DDX6: variants seen among roughly 807,000 people sequenced by gnomAD.
DDX6 encodes probable ATP-dependent RNA helicase DDX6.
A neutral mutation model predicts 60.6 loss-of-function variants in DDX6; 7 were observed. The observed-to-expected ratio is 0.12, with a 90% confidence interval of 0.07 to 0.22. The LOEUF (loss-of-function observed/expected upper bound fraction) is 0.22, where lower values mean the gene tolerates loss of function less well. Among genes scored for constraint, DDX6 ranks in the 10% least tolerant of loss-of-function variants. The pLI is 1.00. For missense variants in DDX6, 270 were observed against 589.9 expected (o/e 0.46, Z 5.62); for synonymous variants, 207 against 201.0 (o/e 1.03, Z -0.25).
At chr11:118,784,685 T>C (rs1484726537) in intron 2 of DDX6, among the ~76,000 whole-genome samples, 1 of 151,990 alleles carries the variant, frequency 6.6e-6, no homozygotes, top group Non-Finnish European at 1.5e-5. Flanking sequence ...CCTCAAACTT[T>C]TGACCTCGTG....
chr11:118,764,029 T>C (rs1565566297), intron 6 of DDX6, among the ~76,000 whole-genome samples: 2 of 152,060 alleles, frequency 1.3e-5, no homozygotes, highest in African/African-American at 2.4e-5. Flanking sequence ...CTTTCAACAG[T>C]AGGCATACTT....
chr11:118,754,390 G>GGT lies in DDX6; in HGVS notation c.*7+314_*7+315insAC, dbSNP rs1555158212. ...CCACTGCACTCCAGCCTGGATGACA[G>GGT]TGAGACCTTGTCTCAAAAAGAAAAA... On this transcript the variant is annotated intron_variant, in intron 13 of 13. Transcript: ENST00000534980. Among the ~76,000 whole-genome samples, 67 of 152,354 alleles carry GGT rather than the reference G, an allele frequency of 4.4e-4. No homozygotes were observed. The East Asian group carries it at 0.012, about 27-fold the overall frequency.
At chr11:118,787,285 G>A (rs928777271) in intron 1 of DDX6, 6 of 152,122 alleles carry the variant, frequency 3.9e-5, no homozygotes, top group Non-Finnish European at 8.8e-5. Context: ...GCCTGGCCAA[G>A]ATGGTGAAAC....
At chr11:118,769,253 A>G (rs1213524648) in intron 4 of DDX6, among the ~76,000 whole-genome samples, 1 of 152,160 alleles carries the variant, frequency 6.6e-6, no homozygotes, top group Admixed American at 6.5e-5. Context: ...GCAACAAAAC[A>G]CGAATAGGCT....
chr11:118,756,329 A>C lies in DDX6; in HGVS notation c.1111-6T>G, dbSNP rs1308309432. ...AATACACGATTTCGATGTTCCTAGG[A>C]GAAAGCAATGTATTCCATTTGATTA... On this transcript the variant is annotated splice_region_variant and splice_polypyrimidine_tract_variant and intron_variant, in intron 10 of 13. Transcript: ENST00000534980. 1 of 1,611,622 alleles carries C rather than the reference A, an allele frequency of 6.2e-7. No homozygotes were observed.
Position 118,748,302 on chromosome 11 carries a change from A to C in DDX6, c.*3803T>G, listed in dbSNP as rs1216888514. The C allele has an allele frequency of 2.0e-5, 3 of 152,160 alleles. No individual in the cohort carries two copies. The highest frequency in any genetic ancestry group is 2.9e-5 in the Non-Finnish European group (2 of 68,026). 9.4% of individuals were successfully genotyped at this position (152,160 alleles called of 1,614,324 possible). A position where few individuals can be genotyped will look rare whatever the true frequency, so the allele number is the denominator to read the frequency against. The stretch of plus-strand genomic sequence containing the variant: ...CCCTCTGACCTCATGAACTGTGACA[A>C]CCTTTGGACACTTAACTCTTTACCC... On this transcript the variant is annotated 3_prime_UTR_variant, in exon 14 of 14. Transcript: ENST00000534980.
intron 9 of DDX6, 59 bp from the exon 10 acceptor site, chr11:118,757,346 A>G: frequency 2.2e-6 from 2 of 927,242 alleles, no homozygotes; most frequent in Non-Finnish European, 3.1e-6. Flanking sequence ...TTGGTTTGCC[A>G]AATCTTGAAA....
In DDX6 at chr11:118,778,612, G is replaced by C. The variant is rs528599718; in HGVS notation, c.369+1020C>G. Among the ~76,000 whole-genome samples the C allele has an allele frequency of 2.0e-5, 3 of 152,206 alleles. No homozygotes were observed. The East Asian group carries it at 5.8e-4, about 29-fold the overall frequency. On this transcript the variant is annotated intron_variant, in intron 4 of 13. Transcript: ENST00000534980. ...GGGTGGCCATAGTATTATTGTATTTGTATGGTCTTAAAATGCACCCCAGAT... is the reference window on the plus strand; with the variant it reads ...GGGTGGCCATAGTATTATTGTATTTCTATGGTCTTAAAATGCACCCCAGAT...
chr11:118,757,110 A>C (rs1432692675), intron 10 of DDX6, 61 bp downstream of exon 10: 2 of 919,492 alleles, frequency 2.2e-6, no homozygotes, highest in Non-Finnish European at 3.1e-6. Context: ...AAAGAACATT[A>C]AAACAAAATA....
chr11:118,755,052 C>T (rs1486381611), intron 12 of DDX6, among the ~76,000 whole-genome samples, 165 bp from the exon 13 acceptor site: 1 of 152,188 alleles, frequency 6.6e-6, no homozygotes, highest in Admixed American at 6.5e-5. Context: ...GGTTTCCCTA[C>T]AACTTCAGGT....
chr11:118,752,339 G>A (rs1258340735), intron 13 of DDX6, among the ~76,000 whole-genome samples: 1 of 152,082 alleles, frequency 6.6e-6, no homozygotes, highest in Non-Finnish European at 1.5e-5. Flanking sequence ...ACAAATCCGG[G>A]GGAAAAAAAT....
In DDX6 at chr11:118,786,448, C is replaced by G. The variant is rs972732904; in HGVS notation, c.-197G>C. On this transcript the variant is annotated 5_prime_UTR_variant, in exon 2 of 14. Transcript: ENST00000534980. ...AGCAGCAGTAACTTGCTCTCTTGCA[C>G]GGAATCAACTTTTTATTTTTAAAAA... 3 of 401,588 alleles carry G rather than the reference C, an allele frequency of 7.5e-6. No individual in the cohort carries two copies. The highest frequency in any genetic ancestry group is 1.3e-5 in the Non-Finnish European group (3 of 229,010). 24.9% of individuals were successfully genotyped at this position (401,588 alleles called of 1,614,324 possible).
chr11:118,767,051 TA>T (rs1429496798), intron 5 of DDX6, among the ~76,000 whole-genome samples: 1 of 152,008 alleles, frequency 6.6e-6, no homozygotes, highest in Non-Finnish European at 1.5e-5. Context: ...CACACCCAGC[TA>T]ATTTTTGTAT....
chr11:118,752,834 A>C (rs1475069855), intron 13 of DDX6, among the ~76,000 whole-genome samples: 1 of 152,118 alleles, frequency 6.6e-6, no homozygotes, highest in Non-Finnish European at 1.5e-5. Flanking sequence ...CACACCTATA[A>C]TCCCAGCACT....
Position 118,757,276 on chromosome 11 carries a change from G to A in DDX6, c.1005C>T (p.Asn335=), listed in dbSNP as rs199834623. 5.8e-6 allele frequency: 9 copies of A among 1,561,056 alleles called. No homozygotes were observed. The East Asian group carries it at 2.1e-4, about 36-fold the overall frequency. ...LNTLFSRLQI[N]QSIIFCNSSQ... The stretch of plus-strand genomic sequence containing the variant: ...AGGAGTTACAGAAAATGATCGACTG[G>A]TTTATCTGAAGCTGAGCACAGAAAA... Residue 335 remains asparagine (N), a synonymous_variant, in exon 10 of 14, where the codon AAC becomes AAT. Coordinates refer to ENST00000534980, the MANE Select transcript of DDX6 (RefSeq NM_004397.6).
At chr11:118,774,589 T>C (rs1861639849) in intron 4 of DDX6, among the ~76,000 whole-genome samples, 1 of 149,792 alleles carries the variant, frequency 6.7e-6, no homozygotes, top group South Asian at 2.1e-4. Flanking sequence ...ATGTCCCCCA[T>C]GCCCAGCTAA....
chr11:118,766,779 A>G (rs1190949837), intron 5 of DDX6, among the ~76,000 whole-genome samples: 1 of 151,278 alleles, frequency 6.6e-6, no homozygotes, highest in Admixed American at 6.6e-5. Flanking sequence ...GGGATTCATC[A>G]TGTTGGCCCA....
intron 4 of DDX6, among the ~76,000 whole-genome samples, chr11:118,770,410 G>A (rs764860508): frequency 5.3e-5 from 8 of 152,054 alleles, no homozygotes; most frequent in Admixed American, 2.0e-4. Flanking sequence ...CTGGGCTAAC[G>A]ACAAAAACAA....
chr11:118,789,543 G>A (rs755990371), intron 1 of DDX6: 2 of 152,066 alleles, frequency 1.3e-5, no homozygotes, highest in African/African-American at 4.8e-5. Flanking sequence ...TGAACAAGTT[G>A]CTCACAAGCA....
Sources: gnomAD v4.1 joint callset for allele counts (sites outside exome capture counted in the v4.1 genomes callset) on GRCh38, gnomAD v4.1.1 for gene constraint, MANE v1.5 for transcripts, NCBI Gene and HGNC (gene_info 2026-07-23, HGNC 2026-07-21) for gene names.